VPS13D: variants seen among roughly 807,000 people sequenced by gnomAD.
The protein encoded by VPS13D is vacuolar protein sorting 13 homolog D.
A neutral mutation model predicts 461.9 loss-of-function variants in VPS13D; 187 were observed. The ratio of observed to expected loss-of-function variants is 0.40; its 90% CI spans 0.36 to 0.46. The LOEUF (loss-of-function observed/expected upper bound fraction) is 0.46. VPS13D is among the 20% of genes least tolerant of loss of function. The pLI is 0.60. For synonymous variants in VPS13D, 1,951 were observed against 1,986.3 expected (o/e 0.98, Z 0.47); for missense variants, 4,711 against 5,364.9 (o/e 0.88, Z 3.81).
At chr1:12,345,246 A>G (rs1436858610) in intron 42 of VPS13D, 128 bp from the exon 43 acceptor site, 1 of 1,084,266 alleles carries the variant, frequency 9.2e-7, no homozygotes, top group Non-Finnish European at 1.3e-6. Flanking sequence ...GCATTAGGTA[A>G]TCTCCAAAAG....
intron 17 of VPS13D, 102 bp downstream of exon 17, chr1:12,271,226 A>T (rs903027098): frequency 2.8e-6 from 4 of 1,414,192 alleles, no homozygotes; most frequent in South Asian, 2.5e-5. Context: ...TATATCAATT[A>T]TGCTGACTGA....
At chr1:12,461,141 TATAATGAATGTTA>T (rs1327104711) in intron 67 of VPS13D, among the ~76,000 whole-genome samples, 2 of 152,110 alleles carry the variant, frequency 1.3e-5, no homozygotes, top group East Asian at 3.9e-4. Flanking sequence ...CAACAAAGGG[TATAATGAATGTTA>T]AGGGCCCAGC....
At chr1:12,398,218 C>T (rs892608481) in intron 60 of VPS13D, among the ~76,000 whole-genome samples, 1 of 152,182 alleles carries the variant, frequency 6.6e-6, no homozygotes, top group Non-Finnish European at 1.5e-5. Context: ...AAAGTCATTT[C>T]CAGTTGTACA....
rs768628311 is a variant in VPS13D, at chr1:12,495,149, C to CT, written c.12663-2333dup. ...AGATGACTGACTTGATGTAACTTAC[C>CT]TTTTTTTTTTTTTTTTTTGAGACAG... On this transcript the variant is annotated intron_variant, in intron 67 of 69. Coordinates refer to ENST00000620676, the MANE Select transcript of VPS13D (RefSeq NM_015378.4). This position sits in a 1 kb window ranked among gnomAD's most constrained non-coding sequence, Gnocchi z 4.0. 0.023 allele frequency among the ~76,000 whole-genome samples: 3,148 copies of CT among 138,694 alleles called. 119 individuals carry two copies. The highest frequency in any genetic ancestry group is 0.065 in the African/African-American group (2,412 of 37,350). The allele number at this position is 138,694 out of a possible 152,430, so 91.0% of individuals were successfully genotyped here.
rs1442493832 is a variant in VPS13D, at chr1:12,385,089, G to A, written c.11371-171G>A. Among the ~76,000 whole-genome samples, 7 of 152,216 alleles carry A rather than the reference G, an allele frequency of 4.6e-5. No homozygotes were observed. In the South Asian group the frequency reaches 8.3e-4, roughly 18 times the overall value. On this transcript the variant is annotated intron_variant, in intron 58 of 69. Transcript: ENST00000620676. The stretch of plus-strand genomic sequence containing the variant: ...GTTTGCCATGCAGACTTGAAACCAA[G>A]TTTGCTTCTTTATTACACAAATCTT...
intron 29 of VPS13D, 79 bp from the exon 30 acceptor site, chr1:12,314,036 G>A (rs1047525694): frequency 1.7e-5 from 23 of 1,314,524 alleles, no homozygotes; most frequent in Middle Eastern, 2.0e-4. Context: ...GATTTTGCTC[G>A]TTATCTCGAA....
intron 58 of VPS13D, among the ~76,000 whole-genome samples, chr1:12,384,903 G>A (rs1469000129): frequency 6.6e-6 from 1 of 152,162 alleles, no homozygotes; most frequent in East Asian, 1.9e-4. Flanking sequence ...CTACAGGTGT[G>A]TGCCACTGTG....
At chr1:12,341,633 C>T in intron 40 of VPS13D, 147 bp from the exon 41 acceptor site, 1 of 617,446 alleles carries the variant, frequency 1.6e-6, no homozygotes, top group East Asian at 2.9e-5. Context: ...ATACGTGGAG[C>T]TTCCATTTGT....
Position 12,276,588 on chromosome 1 carries a change from T to G in VPS13D, c.3000T>G (p.Val1000=), listed in dbSNP as rs779705663. Residue 1000 remains valine (V), a synonymous_variant, in exon 19 of 70, where the codon GTT becomes GTG. Transcript: ENST00000620676. The surrounding 1 kb of genome is among the most constrained non-coding windows in gnomAD (Gnocchi z 4.5). ...RPYDAEVSLT[V]HGLLLVDTMQ... is the part of the protein sequence containing the mutation. ...ATGATGCTGAAGTCTCCCTAACTGT[T>G]CATGGTTTGCTCCTGGTGGATACCA... The G allele has an allele frequency of 2.5e-6, 4 of 1,614,092 alleles. No individual in the cohort carries two copies. In the Admixed American group the frequency reaches 6.7e-5, roughly 27 times the overall value.
intron 67 of VPS13D, among the ~76,000 whole-genome samples, chr1:12,462,644 C>CG (rs889304218): frequency 5.9e-5 from 9 of 152,306 alleles, no homozygotes; most frequent in African/African-American, 2.2e-4. Flanking sequence ...CCTGGGTCTG[C>CG]GAGGAGGGGG....
chr1:12,313,141 C>A (rs1415655631), intron 29 of VPS13D, among the ~76,000 whole-genome samples: 1 of 152,144 alleles, frequency 6.6e-6, no homozygotes. Flanking sequence ...AACAGGACTT[C>A]AAGGCCAGTG....
chr1:12,362,178 A>G (rs567304829), intron 50 of VPS13D, among the ~76,000 whole-genome samples: 2 of 152,344 alleles, frequency 1.3e-5, no homozygotes, highest in African/African-American at 4.8e-5. Flanking sequence ...TAAGTTCTAT[A>G]GTACTTAGCA....
intron 65 of VPS13D, among the ~76,000 whole-genome samples, chr1:12,426,432 C>T (rs1002207618): frequency 6.6e-6 from 1 of 152,182 alleles, no homozygotes; most frequent in African/African-American, 2.4e-5. Flanking sequence ...ACTAGGATAT[C>T]ATTTTAAAAT....
chr1:12,326,024 T>A (rs190627323), intron 35 of VPS13D, among the ~76,000 whole-genome samples: 2 of 151,324 alleles, frequency 1.3e-5, no homozygotes, highest in Admixed American at 1.3e-4. Flanking sequence ...TTGGGGCTCT[T>A]GAATCGACAA....
At chr1:12,383,792 C>G (rs772864022) in intron 58 of VPS13D, among the ~76,000 whole-genome samples, 37 of 152,202 alleles carry the variant, frequency 2.4e-4, no homozygotes, top group Admixed American at 6.5e-5. Flanking sequence ...TCCCTGCCTT[C>G]TTGGAGCTTA....
chr1:12,507,222 C>A lies in VPS13D; in HGVS notation c.13035+129C>A. On this transcript the variant is annotated intron_variant, in intron 69 of 69. Coordinates refer to ENST00000620676, the MANE Select transcript of VPS13D (RefSeq NM_015378.4). This position sits in a 1 kb window ranked among gnomAD's most constrained non-coding sequence, Gnocchi z 5.3. ...GCTGGGCCCTTCCCAGGAGTGCTGC[C>A]TCTCAGTCCTGAACATGGGAGGGGC... 6.6e-7 allele frequency: 1 copy of A among 1,523,056 alleles called. No individual in the cohort carries two copies. The highest frequency in any genetic ancestry group is 1.4e-5 in the African/African-American group (1 of 73,264). 94.3% of individuals were successfully genotyped at this position (1,523,056 alleles called of 1,614,324 possible). A position where few individuals can be genotyped will look rare whatever the true frequency, so the allele number is the denominator to read the frequency against.
At chr1:12,288,922 G>A in intron 22 of VPS13D, among the ~76,000 whole-genome samples, 1 of 152,260 alleles carries the variant, frequency 6.6e-6, no homozygotes, top group East Asian at 1.9e-4. Flanking sequence ...GCTCACTGCA[G>A]CCTCTGCCTC....
intron 67 of VPS13D, among the ~76,000 whole-genome samples, chr1:12,463,066 G>GA (rs370067896): frequency 4.1e-4 from 60 of 144,726 alleles, no homozygotes; most frequent in South Asian, 8.8e-4. Flanking sequence ...AGAAAAAAAG[G>GA]AAAAAAAAAA....
At chr1:12,493,160 G>A (rs1238076949) in intron 67 of VPS13D, among the ~76,000 whole-genome samples, 1 of 138,676 alleles carries the variant, frequency 7.2e-6, no homozygotes, top group Non-Finnish European at 1.5e-5. Context: ...AGGATAATAA[G>A]CCCAGTCCTA....
Sources: allele counts gnomAD v4.1 joint callset (sites outside exome capture counted in the v4.1 genomes callset), GRCh38; gene constraint gnomAD v4.1.1; non-coding constraint Gnocchi (gnomAD v3.1); transcripts MANE v1.5; gene names NCBI Gene and HGNC (gene_info 2026-07-23, HGNC 2026-07-21).